The following MXI1 variants were observed in gnomAD, a reference collection of about 807,000 sequenced individuals.
The protein encoded by MXI1 is MAX interactor 1, dimerization protein.
Under a neutral mutation model 36.9 loss-of-function variants are expected in MXI1, and 18 were observed. The observed-to-expected ratio is 0.49, with a 90% CI of 0.34 to 0.72. MXI1 has a LOEUF of 0.72. MXI1 is among the 30% of genes least tolerant of loss of function. MXI1 has a pLI of 0.01. For synonymous variants in MXI1, 160 were observed against 146.7 expected (o/e 1.09, Z -0.65); for missense variants, 304 against 379.1 (o/e 0.80, Z 1.64).
intron 1 of MXI1, among the ~76,000 whole-genome samples, chr10:110,218,734 T>C (rs558230652): frequency 6.6e-6 from 1 of 152,236 alleles, no homozygotes; most frequent in East Asian, 1.9e-4. Context: ...TTCTGCATAC[T>C]AGGGTGTCAG....
At chr10:110,228,345 A>G (rs1322317814) in intron 2 of MXI1, 24 bp downstream of exon 2, 67 of 1,613,898 alleles carry the variant, frequency 4.2e-5, no homozygotes, top group Non-Finnish European at 5.4e-5. Flanking sequence ...AACGCTTAGA[A>G]GAGGGAACTG....
At chr10:110,253,830 AC>A (rs1415400906) in intron 3 of MXI1, among the ~76,000 whole-genome samples, 1 of 152,068 alleles carries the variant, frequency 6.6e-6, no homozygotes, top group Admixed American at 6.6e-5. Flanking sequence ...ATATGAAAAT[AC>A]CTTAGAGTAA....
intron 3 of MXI1, among the ~76,000 whole-genome samples, chr10:110,258,701 T>G (rs1316717007): frequency 6.6e-6 from 1 of 152,136 alleles, no homozygotes; most frequent in Non-Finnish European, 1.5e-5. Context: ...GAGATAAAGA[T>G]GAAGTAATGT....
chr10:110,251,593 C>G (rs550657547), intron 3 of MXI1, among the ~76,000 whole-genome samples: 45 of 151,976 alleles, frequency 3.0e-4, no homozygotes, highest in African/African-American at 1.1e-3. Context: ...AAGAAAATAC[C>G]AAAGTACACT....
At chr10:110,210,007 G>T (rs1197182701) in intron 1 of MXI1, among the ~76,000 whole-genome samples, 1 of 112,272 alleles carries the variant, frequency 8.9e-6, no homozygotes, top group Non-Finnish European at 1.7e-5. Flanking sequence ...CTTCGCACCC[G>T]CAGACAATCG....
chr10:110,228,735 ATATT>A (rs1160602372), intron 2 of MXI1, among the ~76,000 whole-genome samples: 3 of 152,218 alleles, frequency 2.0e-5, no homozygotes, highest in East Asian at 1.9e-4. Flanking sequence ...AGGAATAAAA[ATATT>A]TAGGTAGAAT....
At chr10:110,247,080 A>C (rs1219201214) in intron 3 of MXI1, among the ~76,000 whole-genome samples, 1 of 152,148 alleles carries the variant, frequency 6.6e-6, no homozygotes, top group Admixed American at 6.5e-5. Flanking sequence ...TTAACACTGG[A>C]CTAGGGACTC....
At chr10:110,238,948 TG>T (rs987261979) in intron 2 of MXI1, among the ~76,000 whole-genome samples, 12 of 152,230 alleles carry the variant, frequency 7.9e-5, no homozygotes, top group African/African-American at 2.9e-4. Context: ...ATACTGTTTT[TG>T]TATTGTAATT....
Position 110,280,150 on chromosome 10 carries a change from A to G in MXI1, c.724+65A>G, listed in dbSNP as rs1857179626. The G allele has an allele frequency of 3.5e-5, 49 of 1,381,488 alleles. No individual in the cohort carries two copies. In the South Asian group the frequency reaches 7.1e-4, roughly 20 times the overall value. 85.6% of individuals were successfully genotyped at this position (1,381,488 alleles called of 1,614,324 possible). A position where few individuals can be genotyped will look rare whatever the true frequency, so the allele number is the denominator to read the frequency against. On this transcript the variant is annotated intron_variant, in intron 5 of 5. Coordinates refer to ENST00000332674, the MANE Select transcript of MXI1 (RefSeq NM_130439.3). Reference sequence around the variant, plus strand: ...CTCTGTATCTGGATTTAGGGAAGGTATGTTGGGAGGCACTGTATTTGCTTT... The same window carrying G: ...CTCTGTATCTGGATTTAGGGAAGGTGTGTTGGGAGGCACTGTATTTGCTTT...
At position 110,244,834 on chromosome 10, in the gene MXI1, A is replaced by G; in HGVS notation, c.414A>G (p.Thr138=). 2.5e-6 allele frequency: 4 copies of G among 1,599,796 alleles called. No individual in the cohort carries two copies. Among genetic ancestry groups the G allele is most frequent in the Non-Finnish European group, 2.6e-6 (3 of 1,174,756 alleles). The change falls in exon 3 of 6, where the codon ACA becomes ACG. Residue 138 remains threonine, a synonymous_variant. Transcript: ENST00000332674. ...TTTTTTTTTTGTCTTTTAGATCTAC[A>G]CACAATGAGCTGGAAAAGAATCGGT... ...SSNTSTANRS[T]HNELEKNRRA... is the part of the protein sequence containing the mutation.
intron 3 of MXI1, among the ~76,000 whole-genome samples, chr10:110,258,458 A>G (rs182353174): frequency 1.3e-5 from 2 of 152,282 alleles, no homozygotes; most frequent in East Asian, 3.9e-4. Context: ...CATTTACTTG[A>G]ATTTTCTTAG....
intron 5 of MXI1, among the ~76,000 whole-genome samples, chr10:110,282,262 G>A (rs1590413902): frequency 6.6e-6 from 1 of 150,800 alleles, no homozygotes; most frequent in Admixed American, 6.6e-5. Flanking sequence ...TCTTTTGAAT[G>A]CTCAAACTGT....
In MXI1 at chr10:110,235,690, A is replaced by AAAATAAATAAATAAAT. The variant is rs60672702; in HGVS notation, c.407+7384_407+7399dup. Among the ~76,000 whole-genome samples, 782 of 149,146 alleles carry AAAATAAATAAATAAAT rather than the reference A, an allele frequency of 5.2e-3. 9 individuals are homozygous for AAAATAAATAAATAAAT. The highest frequency in any genetic ancestry group is 6.2e-3 in the Non-Finnish European group (422 of 67,544). On this transcript the variant is annotated intron_variant, in intron 2 of 5. Transcript: ENST00000332674. The stretch of plus-strand genomic sequence containing the variant: ...GTGACAGAGCAAGACTCTGTCTCAA[A>AAAATAAATAAATAAAT]AAATAAATAAATAAATAAATAAATA...
chr10:110,260,715 A>G (rs1856483624), intron 3 of MXI1, among the ~76,000 whole-genome samples: 1 of 151,980 alleles, frequency 6.6e-6, no homozygotes, highest in African/African-American at 2.4e-5. Context: ...TTGTGTGTAT[A>G]CTACAAACAC....
intron 1 of MXI1, among the ~76,000 whole-genome samples, chr10:110,224,018 C>G (rs1340479375): frequency 2.6e-5 from 4 of 151,620 alleles, no homozygotes; most frequent in African/African-American, 9.7e-5. Context: ...AAAAAGAAAA[C>G]AAAAGGTATG....
At chr10:110,236,699 A>C (rs1855491935) in intron 2 of MXI1, among the ~76,000 whole-genome samples, 1 of 152,122 alleles carries the variant, frequency 6.6e-6, no homozygotes, top group Non-Finnish European at 1.5e-5. Flanking sequence ...GGGCTCATGC[A>C]GTCCTGCCAC....
chr10:110,235,108 T>C (rs75395948), intron 2 of MXI1, among the ~76,000 whole-genome samples: 2,127 of 152,286 alleles, frequency 0.014, 44 homozygotes, highest in African/African-American at 0.049. Context: ...GCTTCTTCTG[T>C]TGTTTGCTTT....
At chr10:110,243,032 T>A (rs1372928151) in intron 2 of MXI1, among the ~76,000 whole-genome samples, 1 of 152,046 alleles carries the variant, frequency 6.6e-6, no homozygotes, top group Non-Finnish European at 1.5e-5. Flanking sequence ...TTATTCAAAT[T>A]TTGAATTATA....
chr10:110,275,308 G>T (rs1484675007), intron 3 of MXI1, among the ~76,000 whole-genome samples: 1 of 152,116 alleles, frequency 6.6e-6, no homozygotes, highest in Non-Finnish European at 1.5e-5. Context: ...AGTCACATGA[G>T]AATGAAGGCA....
Sources: allele counts gnomAD v4.1 joint callset (sites outside exome capture counted in the v4.1 genomes callset), GRCh38; gene constraint gnomAD v4.1.1; transcripts MANE v1.5; gene names NCBI Gene and HGNC (gene_info 2026-07-23, HGNC 2026-07-21).